The following FBXO24 variants were observed in gnomAD, a reference collection of about 807,000 sequenced individuals.
The protein encoded by FBXO24 is F-box only protein 24.
A neutral mutation model predicts 63.5 loss-of-function variants in FBXO24; 30 were observed. The observed-to-expected ratio is 0.47, with a 90% CI of 0.35 to 0.64. FBXO24 has a LOEUF of 0.64. Ranked by LOEUF, FBXO24 falls within the 30% of genes least tolerant of loss-of-function variation. The pLI is 0.00. For synonymous variants in FBXO24, 300 were observed against 305.0 expected (o/e 0.98, Z 0.17); for missense variants, 624 against 763.4 (o/e 0.82, Z 2.15).
intron 3 of FBXO24, among the ~76,000 whole-genome samples, chr7:100,590,598 C>T (rs921118244): frequency 5.3e-5 from 8 of 152,198 alleles, no homozygotes; most frequent in South Asian, 2.1e-4. Flanking sequence ...AGACACTTCC[C>T]GCTTTTTCCC....
chr7:100,587,234 A>G (rs1345336252), intron 1 of FBXO24, among the ~76,000 whole-genome samples: 4 of 152,090 alleles, frequency 2.6e-5, no homozygotes, highest in African/African-American at 9.7e-5. Flanking sequence ...CTCAGTTTTC[A>G]CAGTGGATGT....
rs1404310294 is a variant in FBXO24 at position 100,586,594 on chromosome 7, T to C, written c.-32T>C. ...TCCGAAGGGAATCTGGACCTGCCTC[T>C]TCTCTGAGGGACGGCTCTACCTACC... On this transcript the variant is annotated 5_prime_UTR_variant, in exon 1 of 10. Coordinates refer to ENST00000241071, the MANE Select transcript of FBXO24 (RefSeq NM_033506.3). The C allele has an allele frequency of 1.4e-5, 23 of 1,613,772 alleles. No individual in the cohort carries two copies. Among genetic ancestry groups the C allele is most frequent in the Non-Finnish European group, 1.9e-5 (23 of 1,179,784 alleles).
At chr7:100,597,858 C>T (rs761175523) in intron 8 of FBXO24, among the ~76,000 whole-genome samples, 26 of 151,662 alleles carry the variant, frequency 1.7e-4, no homozygotes, top group Admixed American at 5.3e-4. Flanking sequence ...TGCGCCACTA[C>T]GCCCAGATAA....
Position 100,595,714 on chromosome 7 carries a change from T to C in FBXO24, c.1206+8T>C. 1 of 1,587,120 alleles carries C rather than the reference T, an allele frequency of 6.3e-7. No homozygotes were observed. Among genetic ancestry groups the C allele is most frequent in the African/African-American group, 1.3e-5 (1 of 74,290 alleles). On this transcript the variant is annotated splice_region_variant and intron_variant, in intron 8 of 9. Transcript: ENST00000241071. ...CGAGGGGAACCCACACAGGTGAGAC[T>C]ATTTCCCAGCAACTCTCATCCCAAC...
chr7:100,591,146 C>T (rs1297802556), intron 3 of FBXO24, among the ~76,000 whole-genome samples: 2 of 147,388 alleles, frequency 1.4e-5, no homozygotes, highest in Non-Finnish European at 3.0e-5. Context: ...CAAGTATTCT[C>T]GTGCCTCAGC....
intron 3 of FBXO24, among the ~76,000 whole-genome samples, chr7:100,590,628 C>T (rs755859203): frequency 3.3e-5 from 5 of 152,218 alleles, no homozygotes; most frequent in Admixed American, 1.3e-4. Context: ...CCCTCACTCC[C>T]CAAACCTGGA....
At chr7:100,598,766 C>T (rs1298858613) in intron 8 of FBXO24, among the ~76,000 whole-genome samples, 1 of 152,140 alleles carries the variant, frequency 6.6e-6, no homozygotes, top group Non-Finnish European at 1.5e-5. Flanking sequence ...TGCCTGAGCC[C>T]AGGAGTTCGG....
Position 100,592,929 on chromosome 7 carries a change from C to T in FBXO24, c.705C>T (p.Val235=). 6.2e-7 allele frequency: 1 copy of T among 1,614,186 alleles called. No homozygotes were observed. The highest frequency in any genetic ancestry group is 8.5e-7 in the Non-Finnish European group (1 of 1,180,038). Residue 235 remains valine, a synonymous_variant, in exon 5 of 10, where the codon GTC becomes GTT. Coordinates refer to ENST00000241071, the MANE Select transcript of FBXO24 (RefSeq NM_033506.3). ...ATCTGCAGTCTAGTGGGCAGCGGGT[C>T]TTCAAGATGACATTCCACCACTCAA... ...EVYLQSSGQR[V]FKMTFHHSMT... is the part of the protein sequence containing the mutation.
intron 1 of FBXO24, chr7:100,589,526 G>A: frequency 7.2e-7 from 1 of 1,393,684 alleles, no homozygotes. Flanking sequence ...AAAGGGAACA[G>A]GTCACAGTGG....
rs762948451 is a variant in FBXO24, at chr7:100,600,621, C to A, written c.1465C>A (p.Arg489Ser). The change falls in exon 10 of 10, where the codon CGC becomes AGC. Residue 489 changes from arginine (R) to serine (S), a missense_variant. Arg to Ser is a moderately radical substitution (Grantham distance 110, BLOSUM62 -1). Transcript: ENST00000241071. The surrounding 1 kb of genome is among the most constrained non-coding windows in gnomAD (Gnocchi z 6.3). The stretch of plus-strand genomic sequence containing the variant: ...CGACATTGAGCAGCACGCCCCCTAT[C>A]GCCACCTGCCAGCCAGCAGGGTGGT... Reference protein sequence around the residue: ...SHDIEQHAPYRHLPASRVVGT... With the variant: ...SHDIEQHAPYSHLPASRVVGT... The A allele has an allele frequency of 6.2e-7, 1 of 1,613,628 alleles. No individual in the cohort carries two copies. The highest frequency in any genetic ancestry group is 1.3e-5 in the African/African-American group (1 of 75,036).
chr7:100,592,984 C>A lies in FBXO24; in HGVS notation c.760C>A (p.Gln254Lys). Residue 254 changes from glutamine to lysine, a missense_variant, in exon 5 of 10, where the codon CAG (glutamine) becomes AAG (lysine). Transcript: ENST00000241071. ...MTFKQIVLVGQETQRALLLLT... is the reference protein window; with the variant it reads ...MTFKQIVLVGKETQRALLLLT... ...CTTCAAGCAGATCGTGCTGGTTGGTCAGGAGACCCAGCGGGCTCTACTGCT... is the reference window on the plus strand; with the variant it reads ...CTTCAAGCAGATCGTGCTGGTTGGTAAGGAGACCCAGCGGGCTCTACTGCT... 1 of 1,614,110 alleles carries A rather than the reference C, an allele frequency of 6.2e-7. No individual in the cohort carries two copies. Among genetic ancestry groups the A allele is most frequent in the South Asian group, 1.1e-5 (1 of 91,050 alleles).
chr7:100,589,542 CAGTG>C (rs1157412891), intron 1 of FBXO24: 11 of 1,402,078 alleles, frequency 7.8e-6, no homozygotes, highest in Non-Finnish European at 1.0e-5. Flanking sequence ...AGTGGCCAAA[CAGTG>C]AGGTCACAGA....
Position 100,600,447 on chromosome 7 carries a change from T to C in FBXO24, c.1378-87T>C, listed in dbSNP as rs1196088536. Reference sequence around the variant, plus strand: ...TCAGGGCTGGTGTGAGAGGGAAGAATGCAATAGGCAGATTAGCCCGGGCAC... The same window carrying C: ...TCAGGGCTGGTGTGAGAGGGAAGAACGCAATAGGCAGATTAGCCCGGGCAC... On this transcript the variant is annotated intron_variant, in intron 9 of 9. Transcript: ENST00000241071. The surrounding 1 kb of genome is among the most constrained non-coding windows in gnomAD (Gnocchi z 6.3). 11 of 1,515,636 alleles carry C rather than the reference T, an allele frequency of 7.3e-6. No individual in the cohort carries two copies. The highest frequency in any genetic ancestry group is 8.8e-6 in the Non-Finnish European group (10 of 1,132,702). The allele number at this position is 1,515,636 out of a possible 1,614,324, so 93.9% of individuals were successfully genotyped here. A position where few individuals can be genotyped will look rare whatever the true frequency, so the allele number is the denominator to read the frequency against.
At chr7:100,590,455 T>A (rs1423848255) in intron 3 of FBXO24, 98 bp downstream of exon 3, 6 of 1,258,680 alleles carry the variant, frequency 4.8e-6, no homozygotes, top group Non-Finnish European at 6.6e-6. Context: ...CTCCCAACAG[T>A]GCTTCCAGGG....
intron 7 of FBXO24, 73 bp from the exon 8 acceptor site, chr7:100,595,502 C>CT (rs374610557): frequency 6.7e-7 from 1 of 1,495,860 alleles, no homozygotes; most frequent in Non-Finnish European, 9.0e-7. Context: ...AGGTTAGTGG[C>CT]TTGGAGACTC....
At chr7:100,593,276 C>A (rs1055155975) in intron 5 of FBXO24, among the ~76,000 whole-genome samples, 3 of 152,024 alleles carry the variant, frequency 2.0e-5, no homozygotes, top group Non-Finnish European at 4.4e-5. Context: ...GAGCAGATCA[C>A]CTGAGATCTG....
At chr7:100,588,918 G>A (rs1453103633) in intron 1 of FBXO24, among the ~76,000 whole-genome samples, 1 of 152,100 alleles carries the variant, frequency 6.6e-6, no homozygotes, top group African/African-American at 2.4e-5. Flanking sequence ...CTCAAACTGG[G>A]CTCAAGCAAT....
intron 1 of FBXO24, 190 bp downstream of exon 1, chr7:100,586,854 A>G: frequency 1.2e-5 from 4 of 340,366 alleles, no homozygotes; most frequent in South Asian, 2.4e-5. Context: ...CTGAAGGGGC[A>G]GCGGGGGGAC....
chr7:100,599,676 A>G (rs1216886970), intron 8 of FBXO24: 1 of 246,814 alleles, frequency 4.1e-6, no homozygotes, highest in Non-Finnish European at 8.0e-6. Context: ...CTAACCTGGA[A>G]TTGCACAAGA....
Sources: allele counts gnomAD v4.1 joint callset (sites outside exome capture counted in the v4.1 genomes callset), GRCh38; gene constraint gnomAD v4.1.1; non-coding constraint Gnocchi (gnomAD v3.1); transcripts MANE v1.5; gene names NCBI Gene and HGNC (gene_info 2026-07-23, HGNC 2026-07-21).